Variants in CARS2 observed in about 807,000 individuals in gnomAD.
The protein encoded by CARS2 is cysteinyl-tRNA synthetase 2, mitochondrial.
In CARS2, 52 loss-of-function variants were observed where a neutral mutation model predicts 68.8. That is an observed-to-expected ratio of 0.76 (90% CI 0.61 to 0.95). The LOEUF is 0.95. Ranked by LOEUF, CARS2 falls within the 40% of genes least tolerant of loss-of-function variation. The pLI, the probability that CARS2 is intolerant of heterozygous loss-of-function variation, is 0.00. For synonymous variants in CARS2, 314 were observed against 303.6 expected, an observed-to-expected ratio of 1.03 and a Z score of -0.36; for missense variants, 780 against 754.2, an observed-to-expected ratio of 1.03 and a Z score of -0.40.
chr13:110,645,946 G>T (rs753537619), intron 12 of CARS2, 21 bp downstream of exon 12: 9 of 1,608,256 alleles, frequency 5.6e-6, no homozygotes, highest in Admixed American at 1.7e-5. Context: ...GGACCGCAAG[G>T]CCACCTGTTC....
intron 9 of CARS2, among the ~76,000 whole-genome samples, chr13:110,654,941 A>G (rs943501973): frequency 7.9e-6 from 1 of 127,254 alleles, no homozygotes; most frequent in African/African-American, 3.7e-5. Context: ...AAAAAGAAAA[A>G]GAAAAAAAAA....
chr13:110,694,464 C>T (rs2063562490), intron 3 of CARS2, among the ~76,000 whole-genome samples: 2 of 151,708 alleles, frequency 1.3e-5, no homozygotes, highest in South Asian at 4.2e-4. Flanking sequence ...TGGTGAAACC[C>T]CATCTCTACT....
intron 9 of CARS2, among the ~76,000 whole-genome samples, chr13:110,652,599 GAGCAGGTCTGGTCTGTCTTCT>G (rs2062247112): frequency 6.6e-6 from 1 of 152,206 alleles, no homozygotes. Flanking sequence ...TCAGAGGATG[GAGCAGGTCTGGTCTGTCTTCT>G]ACCAGGAAGG....
chr13:110,688,592 G>GA (rs993943501), intron 3 of CARS2, among the ~76,000 whole-genome samples: 33 of 149,732 alleles, frequency 2.2e-4, no homozygotes, highest in South Asian at 4.2e-4. Flanking sequence ...ATCCTCAGGA[G>GA]AAAAAAAAAA....
At chr13:110,682,968 T>G in intron 6 of CARS2, 83 bp downstream of exon 6, 1 of 849,856 alleles carries the variant, frequency 1.2e-6, no homozygotes. Context: ...AGTGGAGGGG[T>G]CTGCGCTCCA....
upstream of CARS2, among the ~76,000 whole-genome samples, chr13:110,710,082 T>TAA (rs896461014): frequency 2.6e-5 from 4 of 152,050 alleles, no homozygotes; most frequent in African/African-American, 7.2e-5. Flanking sequence ...CTTTGAAACT[T>TAA]AAACAATTCT....
At chr13:110,695,952 G>A (rs372865187) in intron 3 of CARS2, among the ~76,000 whole-genome samples, 3 of 151,960 alleles carry the variant, frequency 2.0e-5, no homozygotes, top group African/African-American at 4.8e-5. Flanking sequence ...GACAGGCGCC[G>A]GGTGTGTGAT....
intron 13 of CARS2, 165 bp from the exon 14 acceptor site, chr13:110,642,686 G>A (rs367617450): frequency 2.0e-4 from 157 of 781,108 alleles, no homozygotes; most frequent in Non-Finnish European, 3.1e-4. Context: ...GGTACAGCCC[G>A]CGAGCGCTGG....
At chr13:110,648,903 G>C (rs993940955) in intron 10 of CARS2, 2 of 152,196 alleles carry the variant, frequency 1.3e-5, no homozygotes, top group African/African-American at 4.8e-5. Flanking sequence ...CGGGGCTTCC[G>C]AGGGCAAAGT....
intron 3 of CARS2, among the ~76,000 whole-genome samples, chr13:110,689,482 A>G (rs1353273013): frequency 6.6e-6 from 1 of 152,236 alleles, no homozygotes; most frequent in Non-Finnish European, 1.5e-5. Context: ...GCCCCACCAA[A>G]GAATACCCAC....
intron 13 of CARS2, 98 bp from the exon 14 acceptor site, chr13:110,642,619 G>T (rs373546015): frequency 3.7e-5 from 43 of 1,170,652 alleles, no homozygotes; most frequent in Non-Finnish European, 5.0e-5. Context: ...CACCCACCCA[G>T]CCCTGGGCTT....
At chr13:110,686,991 G>GA (rs1394948551) in intron 5 of CARS2, among the ~76,000 whole-genome samples, 1 of 152,102 alleles carries the variant, frequency 6.6e-6, no homozygotes, top group Non-Finnish European at 1.5e-5. Context: ...AATGGCCTGT[G>GA]AAAAAACGAT....
chr13:110,646,186 C>A, intron 11 of CARS2, 96 bp from the exon 12 acceptor site: 1 of 1,410,906 alleles, frequency 7.1e-7, no homozygotes, highest in Non-Finnish European at 9.5e-7. Context: ...ACGCTGGGGG[C>A]TCTAATCTGG....
rs116201811 is a variant in CARS2 at position 110,679,864 on chromosome 13, G to A, written c.656-2761C>T. 8.8e-3 allele frequency among the ~76,000 whole-genome samples: 1,346 copies of A among 152,256 alleles called. 31 individuals carry two copies. The highest frequency in any genetic ancestry group is 0.03 in the African/African-American group (1,264 of 41,538). On this transcript the variant is annotated intron_variant, in intron 6 of 14. Transcript: ENST00000257347. ...CTGCTACCAGCAAAAGAGGGGGCAC[G>A]CCGAGGCTCAATAAGGTGATGGCAG...
intron 9 of CARS2, among the ~76,000 whole-genome samples, chr13:110,659,705 G>A (rs752492115): frequency 6.6e-5 from 10 of 152,174 alleles, no homozygotes; most frequent in Admixed American, 2.6e-4. Flanking sequence ...AAAGAACAAT[G>A]TACGTACCTT....
rs201971955 is a variant in CARS2, at chr13:110,686,899, G to A, written c.571+822C>T. 6.0e-5 allele frequency among the ~76,000 whole-genome samples: 9 copies of A among 149,124 alleles called. No individual in the cohort carries two copies. The East Asian group carries it at 1.4e-3, about 23-fold the overall frequency. On this transcript the variant is annotated intron_variant, in intron 5 of 14. Transcript: ENST00000257347. ...TTTGTGCAGGGGAGGGTGGGTGGACGGAGTCTTGCTCTGTCACCAGGCTGG... is the reference window on the plus strand; with the variant it reads ...TTTGTGCAGGGGAGGGTGGGTGGACAGAGTCTTGCTCTGTCACCAGGCTGG...
chr13:110,697,505 C>T (rs1211292710), intron 3 of CARS2, among the ~76,000 whole-genome samples: 5 of 152,332 alleles, frequency 3.3e-5, no homozygotes, highest in Non-Finnish European at 4.4e-5. Context: ...TGCAGTGGCA[C>T]GATCTCAGCT....
At chr13:110,683,311 T>G (rs1472925564) in intron 5 of CARS2, among the ~76,000 whole-genome samples, 177 bp from the exon 6 acceptor site, 1 of 152,186 alleles carries the variant, frequency 6.6e-6, no homozygotes, top group Admixed American at 6.6e-5. Flanking sequence ...CAGGCTGGAG[T>G]GCAGTGGTAC....
chr13:110,712,346 A>C (rs1306612937), intron 1 of CARS2: 2 of 165,152 alleles, frequency 1.2e-5, no homozygotes, highest in African/African-American at 4.8e-5. Context: ...AGGCGGAAGA[A>C]AATCAGAGAA....
Sources: gnomAD v4.1 joint callset for allele counts (sites outside exome capture counted in the v4.1 genomes callset) on GRCh38, gnomAD v4.1.1 for gene constraint, MANE v1.5 for transcripts, NCBI Gene and HGNC (gene_info 2026-07-23, HGNC 2026-07-21) for gene names.